NALF1: variants seen among roughly 807,000 people sequenced by gnomAD.
NALF1 encodes NALCN channel auxiliary factor 1.
In NALF1, 3 loss-of-function variants were observed where a neutral mutation model predicts 48.4. That is an observed-to-expected ratio of 0.06 (90% CI 0.03 to 0.16). NALF1 has a LOEUF of 0.16. Ranked by LOEUF, NALF1 falls within the 10% of genes least tolerant of loss-of-function variation. The pLI is 1.00. For synonymous variants in NALF1, 262 were observed against 245.7 expected (o/e 1.07, Z -0.62); for missense variants, 526 against 571.5 (o/e 0.92, Z 0.81).
At chr13:107,316,923 C>T (rs4771571) in intron 1 of NALF1, among the ~76,000 whole-genome samples, 37,866 of 151,940 alleles carry the variant, frequency 0.25, 5,034 homozygotes, top group Non-Finnish European at 0.28. Flanking sequence ...TCAGTTAAGT[C>T]ATCATTGCAA....
At chr13:107,648,209 A>G (rs552141835) in intron 1 of NALF1, among the ~76,000 whole-genome samples, 29 of 152,202 alleles carry the variant, frequency 1.9e-4, no homozygotes, top group Admixed American at 1.9e-3. Flanking sequence ...CCTCATTCAC[A>G]TTAGGGTTCA....
At chr13:107,853,888 T>C (rs1480468450) in intron 1 of NALF1, among the ~76,000 whole-genome samples, 1 of 152,204 alleles carries the variant, frequency 6.6e-6, no homozygotes, top group African/African-American at 2.4e-5. Flanking sequence ...AGCATAGAAA[T>C]AGTTGGACTG....
intron 1 of NALF1, among the ~76,000 whole-genome samples, chr13:107,577,242 A>G (rs146512481): frequency 6.6e-6 from 1 of 152,278 alleles, no homozygotes; most frequent in African/African-American, 2.4e-5. Context: ...GTGGTTCACC[A>G]TCAAGTCTGA....
At chr13:107,858,054 G>C (rs1327096411) in intron 1 of NALF1, among the ~76,000 whole-genome samples, 1 of 152,118 alleles carries the variant, frequency 6.6e-6, no homozygotes, top group African/African-American at 2.4e-5. Flanking sequence ...CTCTAAACGT[G>C]AAATCAGAAA....
chr13:107,523,882 C>T (rs1876338684), intron 1 of NALF1, among the ~76,000 whole-genome samples: 1 of 151,976 alleles, frequency 6.6e-6, no homozygotes, highest in African/African-American at 2.4e-5. Flanking sequence ...TATGTTATAA[C>T]CTCTTATTTT....
chr13:107,622,403 T>C (rs929052673), intron 1 of NALF1, among the ~76,000 whole-genome samples: 4 of 150,952 alleles, frequency 2.6e-5, no homozygotes, highest in African/African-American at 9.8e-5. Context: ...ATCGCACCGT[T>C]GCACCCCAGC....
chr13:107,656,025 A>T (rs1880565212), intron 1 of NALF1, among the ~76,000 whole-genome samples: 2 of 152,122 alleles, frequency 1.3e-5, no homozygotes, highest in Admixed American at 1.3e-4. Context: ...CGGATCAAAG[A>T]CTTAAATCTA....
intron 1 of NALF1, among the ~76,000 whole-genome samples, chr13:107,254,875 A>G (rs1359370): frequency 0.11 from 17,421 of 152,238 alleles, 1,177 homozygotes; most frequent in African/African-American, 0.17. Context: ...CAGCTTAATT[A>G]TACTCACTCA....
intron 1 of NALF1, among the ~76,000 whole-genome samples, chr13:107,710,378 T>G (rs1199223947): frequency 1.3e-5 from 2 of 150,288 alleles, no homozygotes; most frequent in African/African-American, 4.9e-5. Flanking sequence ...CCATAAAGAA[T>G]CCCCAGGAGA....
At chr13:107,269,913 A>ATTTTTTTTTT (rs71121514) in intron 1 of NALF1, among the ~76,000 whole-genome samples, 70 of 89,066 alleles carry the variant, frequency 7.9e-4, no homozygotes, top group African/African-American at 9.1e-4. Context: ...CGCCCGGCTA[A>ATTTTTTTTTT]TTTTTTTTTT....
At chr13:107,790,330 C>A (rs909392330) in intron 1 of NALF1, among the ~76,000 whole-genome samples, 1 of 152,080 alleles carries the variant, frequency 6.6e-6, no homozygotes, top group African/African-American at 2.4e-5. Context: ...TCAAAATTAA[C>A]TCTTAAATAG....
At chr13:107,612,564 G>A (rs1297510209) in intron 1 of NALF1, among the ~76,000 whole-genome samples, 1 of 152,082 alleles carries the variant, frequency 6.6e-6, no homozygotes, top group Admixed American at 6.5e-5. Context: ...CTGTGGGTGG[G>A]CCTTGTGCGA....
intron 1 of NALF1, among the ~76,000 whole-genome samples, chr13:107,682,083 G>A (rs1171411794): frequency 2.0e-5 from 3 of 152,098 alleles, no homozygotes; most frequent in African/African-American, 7.2e-5. Context: ...ACAATTGCTG[G>A]ACAAGTTACA....
intron 1 of NALF1, among the ~76,000 whole-genome samples, chr13:107,326,390 A>G (rs1882365299): frequency 6.6e-6 from 1 of 152,172 alleles, no homozygotes; most frequent in Admixed American, 6.5e-5. Flanking sequence ...GAGCGATGCC[A>G]TGTAAATTAC....
At chr13:107,448,751 A>G (rs1884691492) in intron 1 of NALF1, among the ~76,000 whole-genome samples, 1 of 152,182 alleles carries the variant, frequency 6.6e-6, no homozygotes, top group African/African-American at 2.4e-5. Context: ...ATTGCCTTTG[A>G]AAGTGTCTGA....
intron 1 of NALF1, among the ~76,000 whole-genome samples, chr13:107,680,778 A>C (rs1881277542): frequency 1.4e-5 from 2 of 146,150 alleles, no homozygotes; most frequent in South Asian, 4.4e-4. Flanking sequence ...TGCAAATGTA[A>C]GAATGTGTGT....
chr13:107,797,497 C>A (rs1419982573), intron 1 of NALF1, among the ~76,000 whole-genome samples: 1 of 152,180 alleles, frequency 6.6e-6, no homozygotes, highest in Admixed American at 6.5e-5. Flanking sequence ...GCGTGAGCCA[C>A]CGCGCCCGGC....
rs77232771 is a variant in NALF1 at position 107,761,680 on chromosome 13, C to T, written c.915+104002G>A. ...GATGGAAACATTTAATGCCTATCAG[C>T]CATCTTTGAAATGAAATCACTCATT... On this transcript the variant is annotated intron_variant, in intron 1 of 2. Coordinates refer to ENST00000375915, the MANE Select transcript of NALF1 (RefSeq NM_001080396.3). Among the ~76,000 whole-genome samples, 882 of 152,280 alleles carry T rather than the reference C, an allele frequency of 5.8e-3. 7 individuals carry two copies. The highest frequency in any genetic ancestry group is 0.02 in the African/African-American group (848 of 41,566).
intron 1 of NALF1, among the ~76,000 whole-genome samples, chr13:107,236,247 C>T (rs572642563): frequency 1.1e-4 from 17 of 152,218 alleles, no homozygotes; most frequent in African/African-American, 4.1e-4. Flanking sequence ...GCAAAAAGGA[C>T]ACAGAGGATG....
Sources: gnomAD v4.1 joint callset for allele counts (sites outside exome capture counted in the v4.1 genomes callset) on GRCh38, gnomAD v4.1.1 for gene constraint, MANE v1.5 for transcripts, NCBI Gene and HGNC (gene_info 2026-07-23, HGNC 2026-07-21) for gene names.